ATF6: variants seen among roughly 807,000 people sequenced by gnomAD.
ATF6 encodes the protein cyclic AMP-dependent transcription factor ATF-6 alpha.
A neutral mutation model predicts 83.6 loss-of-function variants in ATF6; 53 were observed. That is an observed-to-expected ratio of 0.63 (90% CI 0.51 to 0.80). The LOEUF (loss-of-function observed/expected upper bound fraction) is 0.80. ATF6 is among the 30% of genes least tolerant of loss of function. The pLI, the probability that ATF6 is intolerant of heterozygous loss-of-function variation, is 0.00. For synonymous variants in ATF6, 288 were observed against 285.8 expected, an observed-to-expected ratio of 1.01 and a Z score of -0.08; for missense variants, 744 against 797.9, an observed-to-expected ratio of 0.93 and a Z score of 0.81.
chr1:161,869,086 A>G (rs904169793), intron 14 of ATF6, among the ~76,000 whole-genome samples: 1 of 151,996 alleles, frequency 6.6e-6, no homozygotes, highest in Non-Finnish European at 1.5e-5. Flanking sequence ...TTGCAAAAAA[A>G]AAGGTTGACT....
intron 14 of ATF6, among the ~76,000 whole-genome samples, chr1:161,890,367 C>T (rs537203114): frequency 6.6e-6 from 1 of 152,320 alleles, no homozygotes; most frequent in Non-Finnish European, 1.5e-5. Context: ...GTCCAGGTTA[C>T]CTGTAAAGGT....
In ATF6 at chr1:161,912,336, C is replaced by CAAGACCAA. The variant is rs1262081383; in HGVS notation, c.1763_1770dup (p.Met591AspfsTer11). ...CCAGCTACCACCCATAACAAGACCA[C>CAAGACCAA]AAGACCAAAAATGTCAATTGTGTTA... On this transcript the variant is annotated frameshift_variant, in exon 15 of 16. Coordinates refer to ENST00000367942, the MANE Select transcript of ATF6 (RefSeq NM_007348.4). LOFTEE classifies it high-confidence loss of function. The CAAGACCAA allele has an allele frequency of 1.9e-6, 3 of 1,609,374 alleles. No individual in the cohort carries two copies. The African/African-American group carries it at 4.0e-5, about 22-fold the overall frequency.
At chr1:161,791,384 AT>A (rs1557961985) in intron 4 of ATF6, 23 bp from the exon 5 acceptor site, 7 of 1,587,058 alleles carry the variant, frequency 4.4e-6, no homozygotes, top group Non-Finnish European at 5.1e-6. Context: ...ATACTCATTA[AT>A]TTTTGTTTTT....
chr1:161,784,200 T>C, intron 4 of ATF6, 104 bp downstream of exon 4: 1 of 780,660 alleles, frequency 1.3e-6, no homozygotes, highest in Non-Finnish European at 2.1e-6. Context: ...CTATGAGTTA[T>C]ATTGTCTCAT....
In ATF6 at chr1:161,775,771, T is replaced by C. The variant is rs548211471; in HGVS notation, c.83-2473T>C. The stretch of plus-strand genomic sequence containing the variant: ...TCTCCAAGGAACCCCTTAGTGGACT[T>C]CTGTTTGGTGGAAGATGGTATTTAG... On this transcript the variant is annotated intron_variant, in intron 1 of 15. Transcript: ENST00000367942. Among the ~76,000 whole-genome samples the C allele has an allele frequency of 2.0e-5, 3 of 152,218 alleles. No individual in the cohort carries two copies. In the East Asian group the frequency reaches 5.8e-4, roughly 29 times the overall value.
chr1:161,933,299 A>G (rs1688470801), intron 15 of ATF6, among the ~76,000 whole-genome samples: 1 of 152,244 alleles, frequency 6.6e-6, no homozygotes, highest in Non-Finnish European at 1.5e-5. Flanking sequence ...CTGAAAATAT[A>G]TAAGGAAGTC....
At chr1:161,890,401 G>C (rs1571216949) in intron 14 of ATF6, among the ~76,000 whole-genome samples, 1 of 152,332 alleles carries the variant, frequency 6.6e-6, no homozygotes, top group Middle Eastern at 3.4e-3. Context: ...CCCCAGAAGT[G>C]AACCTTGCTC....
intron 15 of ATF6, among the ~76,000 whole-genome samples, chr1:161,937,697 A>C (rs1688565463): frequency 6.6e-6 from 1 of 151,012 alleles, no homozygotes; most frequent in Non-Finnish European, 1.5e-5. Flanking sequence ...CAATGAGAAC[A>C]CACGGACACA....
At chr1:161,786,147 G>C (rs1684743851) in intron 4 of ATF6, among the ~76,000 whole-genome samples, 1 of 151,548 alleles carries the variant, frequency 6.6e-6, no homozygotes, top group African/African-American at 2.4e-5. Context: ...ACCACACCCG[G>C]CTAATTTTTG....
At chr1:161,850,513 T>C (rs943779570) in intron 10 of ATF6, among the ~76,000 whole-genome samples, 1 of 152,220 alleles carries the variant, frequency 6.6e-6, no homozygotes, top group Non-Finnish European at 1.5e-5. Flanking sequence ...CATTTGTTTG[T>C]TTCTTTCATA....
intron 7 of ATF6, among the ~76,000 whole-genome samples, chr1:161,808,745 G>T (rs200214451): frequency 0.013 from 1,968 of 145,936 alleles, 44 homozygotes; most frequent in African/African-American, 0.045. Context: ...TTTTTTTTTT[G>T]TTTTTGTAGA....
At chr1:161,902,716 G>T (rs2101880615) in intron 14 of ATF6, among the ~76,000 whole-genome samples, 1 of 152,272 alleles carries the variant, frequency 6.6e-6, no homozygotes, top group East Asian at 1.9e-4. Context: ...GTAGATCCTG[G>T]GGATTCACCA....
chr1:161,817,652 CT>C (rs1480776719), intron 7 of ATF6, among the ~76,000 whole-genome samples: 2 of 152,068 alleles, frequency 1.3e-5, no homozygotes, highest in Non-Finnish European at 2.9e-5. Flanking sequence ...AAAAAACACC[CT>C]TTTTGACATT....
intron 15 of ATF6, among the ~76,000 whole-genome samples, chr1:161,915,558 T>C (rs1480742997): frequency 6.6e-6 from 1 of 152,192 alleles, no homozygotes; most frequent in Non-Finnish European, 1.5e-5. Flanking sequence ...ACTCTGCATT[T>C]ATACCATTCG....
At chr1:161,897,388 C>T (rs898429885) in intron 14 of ATF6, among the ~76,000 whole-genome samples, 5 of 152,010 alleles carry the variant, frequency 3.3e-5, no homozygotes, top group Non-Finnish European at 5.9e-5. Flanking sequence ...TTCAGTGAGT[C>T]AAGGTGCCAT....
chr1:161,792,371 C>T (rs766268875), intron 6 of ATF6, 44 bp downstream of exon 6: 2 of 1,539,242 alleles, frequency 1.3e-6, no homozygotes, highest in Non-Finnish European at 1.8e-6. Flanking sequence ...ATTTGGAGGG[C>T]AGTAAGGGTT....
chr1:161,789,521 A>G (rs1020276522), intron 4 of ATF6, among the ~76,000 whole-genome samples: 7 of 151,880 alleles, frequency 4.6e-5, no homozygotes, highest in Admixed American at 3.9e-4. Context: ...GGATTGTTAC[A>G]TGTGCTTCAA....
intron 15 of ATF6, among the ~76,000 whole-genome samples, chr1:161,924,841 A>G (rs1463744037): frequency 6.6e-6 from 1 of 152,202 alleles, no homozygotes; most frequent in Non-Finnish European, 1.5e-5. Context: ...TACTCATGCC[A>G]TAAAATATCA....
At chr1:161,872,088 A>G (rs939979122) in intron 14 of ATF6, among the ~76,000 whole-genome samples, 14 of 151,782 alleles carry the variant, frequency 9.2e-5, no homozygotes, top group African/African-American at 3.1e-4. Context: ...CAATACGATA[A>G]TCTTTAATCT....
Sources: allele counts gnomAD v4.1 joint callset (sites outside exome capture counted in the v4.1 genomes callset), GRCh38; gene constraint gnomAD v4.1.1; transcripts MANE v1.5; gene names NCBI Gene and HGNC (gene_info 2026-07-23, HGNC 2026-07-21).